The following PSMB8 variants were observed in gnomAD, a reference collection of about 807,000 sequenced individuals.
PSMB8 encodes proteasome subunit beta type-8.
Under a neutral mutation model 32.3 loss-of-function variants are expected in PSMB8, and 20 were observed. That is an observed-to-expected ratio of 0.62 (90% CI 0.44 to 0.90). PSMB8 has a LOEUF of 0.90. PSMB8 is among the 40% of genes least tolerant of loss of function. The probability of loss-of-function intolerance (pLI) is 0.00; values close to 1 mark genes in which losing one functional copy is unlikely to be tolerated. For synonymous variants in PSMB8, 131 were observed against 135.4 expected, an observed-to-expected ratio of 0.97 and a Z score of 0.23; for missense variants, 342 against 365.4, an observed-to-expected ratio of 0.94 and a Z score of 0.52.
chr6:32,841,296 G>A (rs968525193), intron 5 of PSMB8, among the ~76,000 whole-genome samples: 2 of 152,016 alleles, frequency 1.3e-5, no homozygotes, highest in Non-Finnish European at 2.9e-5. Flanking sequence ...GGAATGCAGT[G>A]GCGCCATCTT....
chr6:32,843,983 T>C lies in PSMB8; in HGVS notation c.14A>G (p.Asp5Gly). Residue 5 changes from aspartate (D) to glycine (G), a missense_variant, in exon 1 of 6, where the codon GAT becomes GGT. Coordinates refer to ENST00000374882, the MANE Select transcript of PSMB8 (RefSeq NM_148919.4). Reference sequence around the variant, plus strand: ...CTGCCCTCGGGGGGCTCCGCATACATCTAGTAGCGCCATGACCGCCCAGCA... The same window carrying C: ...CTGCCCTCGGGGGGCTCCGCATACACCTAGTAGCGCCATGACCGCCCAGCA... MALL[D>G]VCGAPRGQRP... is the part of the protein sequence containing the mutation. 3 of 1,611,298 alleles carry C rather than the reference T, an allele frequency of 1.9e-6. No homozygotes were observed. Among genetic ancestry groups the C allele is most frequent in the Non-Finnish European group, 2.5e-6 (3 of 1,179,502 alleles).
chr6:32,840,848 C>T lies in PSMB8; in HGVS notation c.*111G>A, dbSNP rs1345473930. 1.1e-6 allele frequency: 1 copy of T among 887,024 alleles called. No homozygotes were observed. The highest frequency in any genetic ancestry group is 1.7e-5 in the African/African-American group (1 of 60,438). 54.9% of individuals were successfully genotyped at this position (887,024 alleles called of 1,614,324 possible). On this transcript the variant is annotated 3_prime_UTR_variant, in exon 6 of 6. Transcript: ENST00000374882. ...CTCCTCTGGCTGCTGAGCCCGTACT[C>T]TCTCTTTGGCTCAGGCTAGGCCTCT... is the stretch of plus-strand genomic sequence containing the variant.
intron 3 of PSMB8, 110 bp downstream of exon 3, chr6:32,842,562 T>C: frequency 9.3e-7 from 1 of 1,070,654 alleles, no homozygotes; most frequent in East Asian, 2.4e-5. Flanking sequence ...TTGTGAAATA[T>C]ACTATTAGCA....
chr6:32,841,476 C>CA, intron 5 of PSMB8, 55 bp downstream of exon 5: 1 of 1,559,308 alleles, frequency 6.4e-7, no homozygotes, highest in Non-Finnish European at 8.8e-7. Context: ...AAATCACCCC[C>CA]CCCACCACCC....
Position 32,842,661 on chromosome 6 carries a change from G to A in PSMB8, c.407+11C>T. ...CTAGGCTAAGAAAGGAAGATGAGAG[G>A]CCTCGCTTACCTGCATTCCTTGGCC... On this transcript the variant is annotated intron_variant, in intron 3 of 5. Transcript: ENST00000374882. 1.2e-6 allele frequency: 2 copies of A among 1,601,182 alleles called. No homozygotes were observed. The highest frequency in any genetic ancestry group is 1.7e-6 in the Non-Finnish European group (2 of 1,168,824).
chr6:32,844,394 G>A (rs767423473), upstream of PSMB8: 4 of 1,614,002 alleles, frequency 2.5e-6, no homozygotes, highest in Middle Eastern at 1.6e-4. Context: ...GTCACGCGGG[G>A]TGGGGGTTCC....
At chr6:32,842,579 T>C in intron 3 of PSMB8, 93 bp downstream of exon 3, 1 of 1,174,754 alleles carries the variant, frequency 8.5e-7, no homozygotes, top group Middle Eastern at 2.7e-4. Flanking sequence ...AGCACTAAGA[T>C]GGACCACATA....
chr6:32,844,263 T>G (rs767410310), upstream of PSMB8: 10 of 1,612,912 alleles, frequency 6.2e-6, no homozygotes, highest in Non-Finnish European at 7.6e-6. Flanking sequence ...TGGCGATGGG[T>G]TACAGTAAGA....
upstream of PSMB8, chr6:32,844,514 A>G: frequency 7.0e-7 from 1 of 1,437,266 alleles, no homozygotes; most frequent in Non-Finnish European, 9.6e-7. Flanking sequence ...GTGTAGGGGA[A>G]GGCGGCGCCA....
intron 4 of PSMB8, 173 bp downstream of exon 4, chr6:32,841,961 T>C (rs941807982): frequency 3.5e-5 from 38 of 1,080,464 alleles, no homozygotes; most frequent in Admixed American, 4.2e-5. Context: ...ACACATGCAA[T>C]GATTCATATC....
At chr6:32,842,614 T>C in intron 3 of PSMB8, 58 bp downstream of exon 3, 1 of 1,395,052 alleles carries the variant, frequency 7.2e-7, no homozygotes, top group Non-Finnish European at 1.0e-6. Flanking sequence ...AGCAATGATC[T>C]GAGAGATCCA....
intron 1 of PSMB8, among the ~76,000 whole-genome samples, 187 bp from the exon 2 acceptor site, chr6:32,843,276 A>C (rs1400546513): frequency 6.6e-6 from 1 of 152,248 alleles, no homozygotes; most frequent in East Asian, 1.9e-4. Flanking sequence ...GAGGCATGCC[A>C]GTATCAACCT....
chr6:32,842,737 A>G lies in PSMB8; in HGVS notation c.342T>C (p.Leu114=), dbSNP rs975292324. 3.1e-6 allele frequency: 5 copies of G among 1,614,112 alleles called. No individual in the cohort carries two copies. The African/African-American group carries it at 5.3e-5, about 17-fold the overall frequency. The change falls in exon 3 of 6, where the codon CTT becomes CTC. Residue 114 remains leucine (L), a synonymous_variant. Coordinates refer to ENST00000374882, the MANE Select transcript of PSMB8 (RefSeq NM_148919.4). ...CTGCTGCACAGCCAGACATGGTGCC[A>G]AGCAGGTAAGGGTTAATCTCAATCA... is the stretch of plus-strand genomic sequence containing the variant. ...NKVIEINPYL[L]GTMSGCAADC...
Position 32,842,799 on chromosome 6 carries a change from GC to G in PSMB8, c.296-17del, listed in dbSNP as rs1562351573. 6.2e-7 allele frequency: 1 copy of G among 1,611,092 alleles called. No individual in the cohort carries two copies. The highest frequency in any genetic ancestry group is 1.7e-5 in the Admixed American group (1 of 59,978). On this transcript the variant is annotated splice_polypyrimidine_tract_variant and intron_variant, in intron 2 of 5. Coordinates refer to ENST00000374882, the MANE Select transcript of PSMB8 (RefSeq NM_148919.4). ...CGTAAGGCACCTGGAAGAAGATGGAGCTTTGGGAGAGAAGGGATGACCCCAT... is the reference window on the plus strand; with the variant it reads ...CGTAAGGCACCTGGAAGAAGATGGAGTTTGGGAGAGAAGGGATGACCCCAT...
Position 32,841,054 on chromosome 6 carries a change from A to T in PSMB8, c.743-7T>A. 2 of 1,602,460 alleles carry T rather than the reference A, an allele frequency of 1.2e-6. No homozygotes were observed. Among genetic ancestry groups the T allele is most frequent in the Non-Finnish European group, 1.7e-6 (2 of 1,169,380 alleles). On this transcript the variant is annotated splice_polypyrimidine_tract_variant and splice_region_variant and intron_variant, in intron 5 of 5. Transcript: ENST00000374882. ...TCTTCCTTCATGTGGTACACTGTGG[A>T]CAAATGAGAAAAGAACATGGAGTCA...
At chr6:32,841,960 A>G (rs189866405) in intron 4 of PSMB8, 174 bp downstream of exon 4, 1 of 1,076,628 alleles carries the variant, frequency 9.3e-7, no homozygotes, top group African/African-American at 1.6e-5. Flanking sequence ...AACACATGCA[A>G]TGATTCATAT....
Position 32,842,263 on chromosome 6 carries a change from C to T in PSMB8, c.408G>A (p.Arg136=), listed in dbSNP as rs764187500. Residue 136 remains arginine (R), a splice_region_variant and synonymous_variant, in exon 4 of 6, where the codon AGG becomes AGA. Transcript: ENST00000374882. The stretch of plus-strand genomic sequence containing the variant: ...GTTCTCCATTTCGCAGATAGTACAG[C>T]CTGGGTGAGGACAAGGTGGAGTGAG... ...YWERLLAKEC[R]LYYLRNGERI... is the part of the protein sequence containing the mutation. 8 of 1,613,060 alleles carry T rather than the reference C, an allele frequency of 5.0e-6. No individual in the cohort carries two copies. In the South Asian group the frequency reaches 8.8e-5, roughly 18 times the overall value.
chr6:32,841,914 G>T, intron 4 of PSMB8, 179 bp from the exon 5 acceptor site: 1 of 1,002,040 alleles, frequency 1.0e-6, no homozygotes, highest in Non-Finnish European at 1.5e-6. Flanking sequence ...AAACAAACTT[G>T]AAATCAACTG....
rs1769851460 is a variant in PSMB8 at position 32,840,837 on chromosome 6, G to A, written c.*122C>T. The A allele has an allele frequency of 1.2e-6, 1 of 802,472 alleles. No homozygotes were observed. The highest frequency in any genetic ancestry group is 2.1e-6 in the Non-Finnish European group (1 of 467,304). The allele number at this position is 802,472 out of a possible 1,614,324, so 49.7% of individuals were successfully genotyped here. A position where few individuals can be genotyped will look rare whatever the true frequency, so the allele number is the denominator to read the frequency against. On this transcript the variant is annotated 3_prime_UTR_variant, in exon 6 of 6. Coordinates refer to ENST00000374882, the MANE Select transcript of PSMB8 (RefSeq NM_148919.4). ...ACTTCACCGGCCTCCTCTGGCTGCT[G>A]AGCCCGTACTCTCTCTTTGGCTCAG... is the stretch of plus-strand genomic sequence containing the variant.
Sources: allele counts gnomAD v4.1 joint callset (sites outside exome capture counted in the v4.1 genomes callset), GRCh38; gene constraint gnomAD v4.1.1; transcripts MANE v1.5; gene names NCBI Gene and HGNC (gene_info 2026-07-23, HGNC 2026-07-21).